Variants in PRELID2 observed in about 807,000 individuals in gnomAD.
The protein encoded by PRELID2 is PRELI domain-containing protein 2.
PRELID2 carries 25 observed loss-of-function variants against 28.4 expected under a neutral mutation model. The ratio of observed to expected loss-of-function variants is 0.88; its 90% CI spans 0.64 to 1.23. The LOEUF (loss-of-function observed/expected upper bound fraction) is 1.23, where lower values mean the gene tolerates loss of function less well. PRELID2 is among the 50% of genes most tolerant of loss of function. The pLI is 0.00. For missense variants in PRELID2, 201 were observed against 214.4 expected (o/e 0.94, Z 0.39); for synonymous variants, 76 against 71.6 (o/e 1.06, Z -0.31).
the PRELID2 span, among the ~76,000 whole-genome samples, chr5:145,452,370 T>C: frequency 6.6e-6 from 1 of 152,190 alleles, no homozygotes; most frequent in South Asian, 2.1e-4. Context: ...GCAACTTACA[T>C]TGCACTGTCT....
intron 5 of PRELID2, among the ~76,000 whole-genome samples, chr5:145,782,787 T>C (rs1466587641): frequency 6.6e-6 from 1 of 152,260 alleles, no homozygotes; most frequent in Non-Finnish European, 1.5e-5. Flanking sequence ...CTTAAACTAC[T>C]GCATTTTGAT....
At chr5:145,606,047 T>A (rs1170872171) in intron 1 of PRELID2, among the ~76,000 whole-genome samples, 1 of 152,014 alleles carries the variant, frequency 6.6e-6, no homozygotes, top group East Asian at 1.9e-4. Context: ...TGGGATTGCA[T>A]TTTTGCTGTG....
intron 1 of PRELID2, among the ~76,000 whole-genome samples, chr5:145,740,271 T>TAC (rs1756622958): frequency 3.4e-4 from 4 of 11,782 alleles, no homozygotes; most frequent in Admixed American, 9.7e-4. Context: ...ATCAAATATA[T>TAC]ATATATATAT....
the PRELID2 span, among the ~76,000 whole-genome samples, chr5:145,313,481 C>T: frequency 6.6e-6 from 1 of 152,128 alleles, no homozygotes; most frequent in Admixed American, 6.5e-5. Context: ...ACCTGTTCAC[C>T]TTAGAATATG....
intron 5 of PRELID2, among the ~76,000 whole-genome samples, chr5:145,790,701 T>G (rs982237289): frequency 2.9e-5 from 3 of 104,942 alleles, no homozygotes; most frequent in Non-Finnish European, 6.0e-5. Flanking sequence ...TAATTCCACA[T>G]TGTGTGTGTG....
intron 1 of PRELID2, among the ~76,000 whole-genome samples, chr5:145,599,356 T>G (rs531284532): frequency 6.6e-6 from 1 of 152,328 alleles, no homozygotes; most frequent in African/African-American, 2.4e-5. Flanking sequence ...AATCTTGTTG[T>G]GTTCACTAAA....
At chr5:145,253,314 T>C in the PRELID2 span, among the ~76,000 whole-genome samples, 1 of 152,144 alleles carries the variant, frequency 6.6e-6, no homozygotes, top group Non-Finnish European at 1.5e-5. Context: ...ATGGAATACT[T>C]ATGCTGGGCA....
the PRELID2 span, among the ~76,000 whole-genome samples, chr5:145,408,559 T>C: frequency 6.7e-6 from 1 of 150,174 alleles, no homozygotes; most frequent in Non-Finnish European, 1.5e-5. Context: ...TGGAACTAAA[T>C]AACAACTTAG....
intron 1 of PRELID2, among the ~76,000 whole-genome samples, chr5:145,501,145 T>C (rs748205467): frequency 3.9e-5 from 6 of 152,118 alleles, no homozygotes; most frequent in Non-Finnish European, 8.8e-5. Context: ...TCAATTCAAC[T>C]GAAGAAGGAA....
the PRELID2 span, among the ~76,000 whole-genome samples, chr5:145,446,231 T>C: frequency 6.6e-6 from 1 of 152,044 alleles, no homozygotes; most frequent in Non-Finnish European, 1.5e-5. Flanking sequence ...AACATCACCA[T>C]GTACCCCATC....
At chr5:145,742,521 CA>C (rs1280443477) in intron 1 of PRELID2, among the ~76,000 whole-genome samples, 1 of 53,498 alleles carries the variant, frequency 1.9e-5, no homozygotes, top group Non-Finnish European at 3.5e-5. Flanking sequence ...AAAGAAGTCT[CA>C]AGGGATACCA....
intron 1 of PRELID2, among the ~76,000 whole-genome samples, chr5:145,554,314 C>T (rs1385843545): frequency 6.6e-6 from 1 of 152,108 alleles, no homozygotes; most frequent in Non-Finnish European, 1.5e-5. Context: ...GGAAGAGAGT[C>T]GTGATCTCAA....
intron 1 of PRELID2, among the ~76,000 whole-genome samples, chr5:145,748,186 C>T (rs1055618110): frequency 1.4e-4 from 21 of 152,176 alleles, no homozygotes; most frequent in Non-Finnish European, 1.9e-4. Context: ...AGAAATAAAG[C>T]GTATTCAAAT....
the PRELID2 span, among the ~76,000 whole-genome samples, chr5:145,243,854 C>T: frequency 2.0e-5 from 3 of 152,026 alleles, no homozygotes; most frequent in Non-Finnish European, 4.4e-5. Context: ...GAAGATCATA[C>T]ATTTTTCTAG....
chr5:145,424,282 C>G, the PRELID2 span, among the ~76,000 whole-genome samples: 8 of 152,228 alleles, frequency 5.3e-5, no homozygotes, highest in Admixed American at 5.2e-4. Context: ...AGCTTCCCGG[C>G]TGCTTTGTTT....
chr5:145,796,704 G>C (rs1398760536), intron 4 of PRELID2, among the ~76,000 whole-genome samples, 157 bp from the exon 5 acceptor site: 2 of 151,946 alleles, frequency 1.3e-5, no homozygotes, highest in Non-Finnish European at 2.9e-5. Flanking sequence ...TTTGTTAAAA[G>C]TAACTTATAG....
chr5:145,238,062 C>A, the PRELID2 span, among the ~76,000 whole-genome samples: 1 of 152,102 alleles, frequency 6.6e-6, no homozygotes, highest in African/African-American at 2.4e-5. Context: ...CAAAGACCTA[C>A]CCTCCAACAA....
intron 5 of PRELID2, among the ~76,000 whole-genome samples, chr5:145,768,375 A>T (rs1171926639): frequency 6.6e-6 from 1 of 152,198 alleles, no homozygotes; most frequent in African/African-American, 2.4e-5. Context: ...GACCCAGTTA[A>T]CAAATATGTA....
At chr5:145,553,596 G>A (rs1021519718) in intron 1 of PRELID2, among the ~76,000 whole-genome samples, 8 of 152,116 alleles carry the variant, frequency 5.3e-5, no homozygotes, top group African/African-American at 1.4e-4. Flanking sequence ...GCTATTACTC[G>A]GAGGGAGATC....
Sources: gnomAD v4.1 joint callset for allele counts (sites outside exome capture counted in the v4.1 genomes callset) on GRCh38, gnomAD v4.1.1 for gene constraint, MANE v1.5 for transcripts, NCBI Gene and HGNC (gene_info 2026-07-23, HGNC 2026-07-21) for gene names.